The following RNF4 variants were observed in gnomAD, a reference collection of about 807,000 sequenced individuals.
RNF4 encodes the protein ring finger protein 4, also known as E3 ubiquitin-protein ligase RNF4.
In RNF4, 7 loss-of-function variants were observed where a neutral mutation model predicts 24.3. That is an observed-to-expected ratio of 0.29 (90% CI 0.16 to 0.54). The LOEUF is 0.54. Ranked by LOEUF, RNF4 falls within the 20% of genes least tolerant of loss-of-function variation. The probability of loss-of-function intolerance (pLI) is 0.95; values close to 1 mark genes in which losing one functional copy is unlikely to be tolerated. For synonymous variants in RNF4, 83 were observed against 84.3 expected (o/e 0.98, Z 0.09); for missense variants, 209 against 248.5 (o/e 0.84, Z 1.07).
intron 4 of RNF4, among the ~76,000 whole-genome samples, chr4:2,503,768 T>C (rs780404881): frequency 1.8e-4 from 28 of 151,972 alleles, no homozygotes; most frequent in Admixed American, 1.4e-3. Flanking sequence ...TGCAGGAGAG[T>C]ATAAAATGGA....
At chr4:2,470,460 C>T (rs913080507) in intron 1 of RNF4, among the ~76,000 whole-genome samples, 1 of 152,194 alleles carries the variant, frequency 6.6e-6, no homozygotes, top group Non-Finnish European at 1.5e-5. Context: ...AGATATATTG[C>T]TGGCTTTTGT....
At chr4:2,479,535 T>A (rs992031833) in intron 1 of RNF4, among the ~76,000 whole-genome samples, 1 of 152,110 alleles carries the variant, frequency 6.6e-6, no homozygotes, top group African/African-American at 2.4e-5. Flanking sequence ...ATCTGATAGT[T>A]TTATAAGGGG....
In RNF4 at chr4:2,512,925, C is replaced by G. The variant is rs1338326285; in HGVS notation, c.375-158C>G. Among the ~76,000 whole-genome samples the G allele has an allele frequency of 1.3e-5, 2 of 152,168 alleles. No individual in the cohort carries two copies. Among genetic ancestry groups the G allele is most frequent in the African/African-American group, 4.8e-5 (2 of 41,430 alleles). ...TTCACCCTCCCACATGCCCTTGGGG[C>G]AGTTGGCTTTCCTGAAAGTCTCTCG... On this transcript the variant is annotated intron_variant, in intron 6 of 7. Transcript: ENST00000314289. The surrounding 1 kb of genome is among the most constrained non-coding windows in gnomAD (Gnocchi z 4.1).
At chr4:2,491,212 C>T (rs926802273) in intron 2 of RNF4, among the ~76,000 whole-genome samples, 1 of 152,106 alleles carries the variant, frequency 6.6e-6, no homozygotes, top group African/African-American at 2.4e-5. Flanking sequence ...AAAGTTGATT[C>T]GTCATTATAA....
At chr4:2,499,654 A>ATGGAAGTTGTACGTTAAC (rs1735849943) in intron 3 of RNF4, among the ~76,000 whole-genome samples, 1 of 152,140 alleles carries the variant, frequency 6.6e-6, no homozygotes, top group Non-Finnish European at 1.5e-5. Flanking sequence ...CTTTATATAA[A>ATGGAAGTTGTACGTTAAC]TGGAAGTTGT....
chr4:2,470,337 A>G (rs1387109987), intron 1 of RNF4, among the ~76,000 whole-genome samples: 2 of 152,212 alleles, frequency 1.3e-5, no homozygotes, highest in African/African-American at 4.8e-5. Context: ...TAAAAGAGAC[A>G]TTGAAGGGAA....
chr4:2,496,898 A>T (rs1041463481), intron 2 of RNF4, 109 bp from the exon 3 acceptor site: 1 of 718,302 alleles, frequency 1.4e-6, no homozygotes, highest in African/African-American at 1.8e-5. Context: ...CTTCAAGTCT[A>T]CTCGCTGGCT....
Position 2,515,808 on chromosome 4 carries a change from C to T in RNF4, c.*1989C>T, listed in dbSNP as rs1223545550. ...TCCATGGATATCAGTCTGCTTTGGA[C>T]TCCTCTGCTAGTGTTACAGATGGAA... On this transcript the variant is annotated 3_prime_UTR_variant, in exon 8 of 8. Coordinates refer to ENST00000314289, the MANE Select transcript of RNF4 (RefSeq NM_002938.5). 1 of 152,640 alleles carries T rather than the reference C, an allele frequency of 6.6e-6. No individual in the cohort carries two copies. The highest frequency in any genetic ancestry group is 1.5e-5 in the Non-Finnish European group (1 of 68,036). The allele number at this position is 152,640 out of a possible 1,614,324, so 9.5% of individuals were successfully genotyped here.
At chr4:2,500,543 A>G in intron 3 of RNF4, 116 bp from the exon 4 acceptor site, 1 of 991,342 alleles carries the variant, frequency 1.0e-6, no homozygotes, top group South Asian at 1.5e-5. Context: ...TGTATACTTC[A>G]GGATTGTTTT....
At chr4:2,474,679 A>C (rs1029871981) in intron 1 of RNF4, among the ~76,000 whole-genome samples, 3 of 152,208 alleles carry the variant, frequency 2.0e-5, no homozygotes, top group Non-Finnish European at 4.4e-5. Context: ...GCTACAGAGA[A>C]ATCTTTCATG....
At chr4:2,509,286 C>T (rs1018049052) in intron 4 of RNF4, among the ~76,000 whole-genome samples, 2 of 151,982 alleles carry the variant, frequency 1.3e-5, no homozygotes, top group African/African-American at 2.4e-5. Context: ...GGCGTGACCT[C>T]GGCTCACTGC....
At chr4:2,487,929 C>T (rs990480071) in intron 1 of RNF4, among the ~76,000 whole-genome samples, 1 of 152,182 alleles carries the variant, frequency 6.6e-6, no homozygotes, top group Non-Finnish European at 1.5e-5. Flanking sequence ...AGAAAATGCT[C>T]AGCTCAGCTG....
chr4:2,509,730 C>T (rs927960424), intron 4 of RNF4, among the ~76,000 whole-genome samples: 1 of 152,120 alleles, frequency 6.6e-6, no homozygotes, highest in Non-Finnish European at 1.5e-5. Flanking sequence ...CACAGGCAAG[C>T]TGGGTATGAC....
chr4:2,505,418 T>C (rs146060620), intron 4 of RNF4: 2,787 of 151,580 alleles, frequency 0.018, 53 homozygotes, highest in African/African-American at 0.021. Flanking sequence ...CTCCGCCTCC[T>C]GGGTTCACAC....
In RNF4 at chr4:2,513,905, A is replaced by G; in HGVS notation, c.*86A>G. 2 of 1,564,500 alleles carry G rather than the reference A, an allele frequency of 1.3e-6. No individual in the cohort carries two copies. Among genetic ancestry groups the G allele is most frequent in the African/African-American group, 1.4e-5 (1 of 73,588 alleles). On this transcript the variant is annotated 3_prime_UTR_variant, in exon 8 of 8. Transcript: ENST00000314289. ...TATCTGCCTCCATTTTCCTGAGATC[A>G]AAAAGACTGTTTCGAAACCAACATC...
chr4:2,477,803 A>G (rs1215066405), intron 1 of RNF4, among the ~76,000 whole-genome samples: 2 of 152,182 alleles, frequency 1.3e-5, no homozygotes, highest in Non-Finnish European at 2.9e-5. Context: ...GTGAAAACAT[A>G]CTGGTACAGT....
At chr4:2,477,841 G>A (rs1463732365) in intron 1 of RNF4, among the ~76,000 whole-genome samples, 2 of 152,324 alleles carry the variant, frequency 1.3e-5, no homozygotes, top group South Asian at 2.1e-4. Context: ...GTGCGATGCT[G>A]CTGAAAAGAT....
rs147193111 is a variant in RNF4 at position 2,515,615 on chromosome 4, T to A, written c.*1796T>A. On this transcript the variant is annotated 3_prime_UTR_variant, in exon 8 of 8. Coordinates refer to ENST00000314289, the MANE Select transcript of RNF4 (RefSeq NM_002938.5). ...TAAAGACAACTTCAGTGGTTAATTA[T>A]AAAAGTTGTGTTACTTCGTCCTAAA... The A allele has an allele frequency of 5.0e-3, 764 of 152,636 alleles. 8 individuals carry two copies. Among genetic ancestry groups the A allele is most frequent in the African/African-American group, 0.018 (739 of 41,574 alleles). 9.5% of individuals were successfully genotyped at this position (152,636 alleles called of 1,614,324 possible).
chr4:2,469,987 G>C (rs1019622447), intron 1 of RNF4: 4 of 152,278 alleles, frequency 2.6e-5, no homozygotes, highest in Non-Finnish European at 5.9e-5. Flanking sequence ...CCGCTTTTCC[G>C]CCTTTGATCC....
Sources: gnomAD v4.1 joint callset for allele counts (sites outside exome capture counted in the v4.1 genomes callset) on GRCh38, gnomAD v4.1.1 for gene constraint, Gnocchi (gnomAD v3.1) non-coding constraint, MANE v1.5 for transcripts, NCBI Gene and HGNC (gene_info 2026-07-23, HGNC 2026-07-21) for gene names.